Variants in CCDC141 observed in about 807,000 individuals in gnomAD.
CCDC141 encodes the protein coiled-coil domain-containing protein 141.
CCDC141 carries 168 observed loss-of-function variants against 181.0 expected under a neutral mutation model. That is an observed-to-expected ratio of 0.93 (90% CI 0.82 to 1.05). The LOEUF is 1.05. Among genes scored for constraint, CCDC141 ranks in the 50% least tolerant of loss-of-function variants. The pLI, the probability that CCDC141 is intolerant of heterozygous loss-of-function variation, is 0.00. For synonymous variants in CCDC141, 666 were observed against 642.3 expected, an observed-to-expected ratio of 1.04 and a Z score of -0.56; for missense variants, 1,902 against 1,788.5, an observed-to-expected ratio of 1.06 and a Z score of -1.14.
At chr2:178,929,505 A>G (rs191114790) in intron 6 of CCDC141, among the ~76,000 whole-genome samples, 12 of 152,096 alleles carry the variant, frequency 7.9e-5, no homozygotes, top group African/African-American at 2.9e-4. Context: ...TCCTTTTTTA[A>G]TAAATATAAG....
At chr2:178,967,862 C>G (rs896139362) in intron 4 of CCDC141, among the ~76,000 whole-genome samples, 2 of 151,956 alleles carry the variant, frequency 1.3e-5, no homozygotes, top group Admixed American at 1.3e-4. Flanking sequence ...TGCAAAGACA[C>G]ACATAGGCTC....
chr2:178,835,405 G>A (rs1326706123), intron 23 of CCDC141, among the ~76,000 whole-genome samples: 2 of 152,132 alleles, frequency 1.3e-5, no homozygotes, highest in Non-Finnish European at 1.5e-5. Context: ...GTGCTTAACT[G>A]CATGGTTTTA....
chr2:179,037,673 T>G (rs2154387558), intron 2 of CCDC141, among the ~76,000 whole-genome samples: 1 of 152,268 alleles, frequency 6.6e-6, no homozygotes, highest in East Asian at 1.9e-4. Flanking sequence ...ACAACGTGCT[T>G]TAAAAGTGGA....
chr2:178,899,100 G>A (rs1370320135), intron 8 of CCDC141, among the ~76,000 whole-genome samples: 1 of 152,026 alleles, frequency 6.6e-6, no homozygotes, highest in Non-Finnish European at 1.5e-5. Flanking sequence ...AGATTATAAT[G>A]CTCTATTTTT....
intron 22 of CCDC141, among the ~76,000 whole-genome samples, chr2:178,839,232 T>G (rs1684616801): frequency 6.6e-6 from 1 of 151,914 alleles, no homozygotes. Flanking sequence ...GCTAACATGG[T>G]GAAACCCCAC....
intron 5 of CCDC141, among the ~76,000 whole-genome samples, chr2:178,959,329 GA>G (rs541484467): frequency 2.6e-4 from 38 of 147,302 alleles, no homozygotes; most frequent in African/African-American, 3.0e-4. Context: ...AAACACTACA[GA>G]AAAAAAAAAG....
At chr2:178,881,795 G>A (rs770586165) in intron 11 of CCDC141, among the ~76,000 whole-genome samples, 3 of 151,888 alleles carry the variant, frequency 2.0e-5, no homozygotes, top group Admixed American at 6.6e-5. Flanking sequence ...CTGGGAGGCC[G>A]AGGTGGGAGG....
At chr2:178,912,804 G>A (rs1688278131) in intron 7 of CCDC141, among the ~76,000 whole-genome samples, 1 of 152,178 alleles carries the variant, frequency 6.6e-6, no homozygotes, top group South Asian at 2.1e-4. Flanking sequence ...CACTTTAGGT[G>A]TACACCCTAC....
At chr2:179,001,825 C>A (rs1200014965) in intron 2 of CCDC141, 1 of 152,060 alleles carries the variant, frequency 6.6e-6, no homozygotes, top group African/African-American at 2.4e-5. Context: ...ACGCAAAGTT[C>A]TTTTTTTCCT....
At chr2:179,031,130 AAAGAT>A (rs2042988365) in intron 2 of CCDC141, among the ~76,000 whole-genome samples, 1 of 152,178 alleles carries the variant, frequency 6.6e-6, no homozygotes, top group South Asian at 2.1e-4. Context: ...CTCAATTTAT[AAAGAT>A]TAGATGCTAA....
At chr2:178,878,176 A>G (rs1436883050) in intron 11 of CCDC141, 33 bp from the exon 12 acceptor site, 2 of 1,461,104 alleles carry the variant, frequency 1.4e-6, no homozygotes, top group Non-Finnish European at 1.8e-6. Flanking sequence ...AAGAACACTT[A>G]AACACATTTT....
At chr2:179,025,888 G>T (rs533512287) in intron 2 of CCDC141, among the ~76,000 whole-genome samples, 4 of 152,178 alleles carry the variant, frequency 2.6e-5, no homozygotes, top group Non-Finnish European at 5.9e-5. Flanking sequence ...TTAGCAAAGA[G>T]ATTGGTGGTA....
intron 6 of CCDC141, among the ~76,000 whole-genome samples, chr2:178,926,161 TA>T (rs774077653): frequency 1.2e-3 from 187 of 151,604 alleles, no homozygotes; most frequent in African/African-American, 4.3e-3. Flanking sequence ...AATAAGGATT[TA>T]AAAAAAAATC....
At chr2:178,835,599 T>A (rs1328817431) in intron 23 of CCDC141, among the ~76,000 whole-genome samples, 2 of 152,224 alleles carry the variant, frequency 1.3e-5, no homozygotes, top group Non-Finnish European at 2.9e-5. Context: ...AGTTATTAAT[T>A]GAGCACAGTT....
Position 179,049,954 on chromosome 2 carries a change from C to T in CCDC141, c.-13G>A. 6.5e-7 allele frequency: 1 copy of T among 1,550,384 alleles called. No individual in the cohort carries two copies. Among genetic ancestry groups the T allele is most frequent in the Non-Finnish European group, 8.7e-7 (1 of 1,146,826 alleles). On this transcript the variant is annotated 5_prime_UTR_variant, in exon 1 of 24. Coordinates refer to ENST00000443758, the MANE Select transcript of CCDC141 (RefSeq NM_173648.4). ...CTTGGCTGGACATGGTACTTTAGAA[C>T]CAGAGTTTATACTTTGGGCAGCCTC...
At chr2:178,887,355 A>T (rs760036406) in intron 9 of CCDC141, among the ~76,000 whole-genome samples, 36 of 152,206 alleles carry the variant, frequency 2.4e-4, no homozygotes, top group Non-Finnish European at 4.4e-4. Flanking sequence ...ACACAGGGAC[A>T]TACTTAGGAC....
intron 2 of CCDC141, among the ~76,000 whole-genome samples, chr2:179,018,206 T>C (rs1046085132): frequency 6.6e-6 from 1 of 152,114 alleles, no homozygotes; most frequent in African/African-American, 2.4e-5. Flanking sequence ...AAAAGGATTA[T>C]GGACTTTCTC....
chr2:178,837,458 C>T lies in CCDC141; in HGVS notation c.3761G>A (p.Gly1254Glu). Residue 1254 changes from glycine (G) to glutamate (E), a missense_variant, in exon 23 of 24, where the codon GGG becomes GAG. By Grantham distance (98) the Gly-to-Glu change is moderately conservative (BLOSUM62 -2). Transcript: ENST00000443758. ...CTGGGCATCCCCTGGGCTGCTGGTC[C>T]CAGCCTGCACCCCATAGCTGCTTAT... ...LHISSYGVQA[G>E]TSSPGDAQES... 1.2e-6 allele frequency: 2 copies of T among 1,614,032 alleles called. No homozygotes were observed. The highest frequency in any genetic ancestry group is 1.7e-6 in the Non-Finnish European group (2 of 1,179,956).
chr2:178,982,536 C>T (rs1691467979), intron 2 of CCDC141, among the ~76,000 whole-genome samples: 1 of 152,188 alleles, frequency 6.6e-6, no homozygotes. Flanking sequence ...GTGATTTCTG[C>T]ATTTCCATCT....
Sources: gnomAD v4.1 joint callset for allele counts (sites outside exome capture counted in the v4.1 genomes callset) on GRCh38, gnomAD v4.1.1 for gene constraint, MANE v1.5 for transcripts, NCBI Gene and HGNC (gene_info 2026-07-23, HGNC 2026-07-21) for gene names.